The following PTPRJ variants were observed in gnomAD, a reference collection of about 807,000 sequenced individuals.
PTPRJ encodes receptor-type tyrosine-protein phosphatase eta.
In PTPRJ, 129 loss-of-function variants were observed where a neutral mutation model predicts 141.3. The ratio of observed to expected loss-of-function variants is 0.91; its 90% confidence interval spans 0.79 to 1.06. PTPRJ has a LOEUF of 1.06. PTPRJ is among the 50% of genes least tolerant of loss of function. PTPRJ has a pLI of 0.00. For synonymous variants in PTPRJ, 610 were observed against 640.5 expected (o/e 0.95, Z 0.72); for missense variants, 1,601 against 1,679.7 (o/e 0.95, Z 0.82).
chr11:48,124,195 G>A (rs1208682706), intron 5 of PTPRJ, among the ~76,000 whole-genome samples: 1 of 152,184 alleles, frequency 6.6e-6, no homozygotes. Context: ...AACTTATCAC[G>A]TCTGCTGGTT....
chr11:48,137,736 G>A (rs1208263867), intron 10 of PTPRJ, among the ~76,000 whole-genome samples: 1 of 152,192 alleles, frequency 6.6e-6, no homozygotes, highest in Non-Finnish European at 1.5e-5. Context: ...AGGGTGGGAG[G>A]AGTGGACCCG....
In PTPRJ at chr11:48,136,207, G is replaced by A. The variant is rs140207359; in HGVS notation, c.1784G>A (p.Gly595Asp). ...STYDKAITLQGLIPGTLYNIT... is the reference protein window; with the variant it reads ...STYDKAITLQDLIPGTLYNIT... ...TATGACAAAGCGATTACTCTCCAGGGCCTGATTCCGGGCACCTTATATAAC... is the reference window on the plus strand; with the variant it reads ...TATGACAAAGCGATTACTCTCCAGGACCTGATTCCGGGCACCTTATATAAC... Residue 595 changes from glycine (G) to aspartate (D), a missense_variant, in exon 9 of 25, where the codon GGC (glycine) becomes GAC (aspartate). By Grantham distance (94) the Gly-to-Asp change is moderately conservative. Transcript: ENST00000418331. 8.1e-6 allele frequency: 13 copies of A among 1,614,072 alleles called. No individual in the cohort carries two copies. Among genetic ancestry groups the A allele is most frequent in the Non-Finnish European group, 1.1e-5 (13 of 1,180,042 alleles).
intron 6 of PTPRJ, 26 bp downstream of exon 6, chr11:48,125,212 G>T: frequency 6.2e-7 from 1 of 1,607,832 alleles, no homozygotes; most frequent in Non-Finnish European, 8.5e-7. Flanking sequence ...TAAAATGGTG[G>T]CAGCCAGAGT....
At chr11:48,033,918 T>C (rs1437996285) in intron 1 of PTPRJ, among the ~76,000 whole-genome samples, 2 of 152,248 alleles carry the variant, frequency 1.3e-5, no homozygotes, top group Non-Finnish European at 2.9e-5. Flanking sequence ...AGTAACCAGC[T>C]GACTGTTCAG....
rs1853867611 is a variant in PTPRJ, at chr11:47,980,584, G to A, written c.-329G>A. On this transcript the variant is annotated 5_prime_UTR_variant, in exon 1 of 25. Transcript: ENST00000418331. Reference sequence around the variant, plus strand: ...AGCCCCAGCCGCATGACGCGCGGAGGAGGCAGCGGGAGCAGCCGCGGGAGC... The same window carrying A: ...AGCCCCAGCCGCATGACGCGCGGAGAAGGCAGCGGGAGCAGCCGCGGGAGC... 2.0e-6 allele frequency: 2 copies of A among 982,954 alleles called. No individual in the cohort carries two copies. The highest frequency in any genetic ancestry group is 4.7e-5 in the South Asian group (1 of 21,294). The allele number at this position is 982,954 out of a possible 1,614,324, so 60.9% of individuals were successfully genotyped here.
At chr11:48,060,577 T>C (rs1258419583) in intron 1 of PTPRJ, among the ~76,000 whole-genome samples, 1 of 152,224 alleles carries the variant, frequency 6.6e-6, no homozygotes, top group Non-Finnish European at 1.5e-5. Context: ...CAGATTCTTT[T>C]AGGGGCTCCT....
At chr11:48,056,842 T>C (rs1854764732) in intron 1 of PTPRJ, among the ~76,000 whole-genome samples, 1 of 152,144 alleles carries the variant, frequency 6.6e-6, no homozygotes, top group Non-Finnish European at 1.5e-5. Flanking sequence ...TAATCCCAGC[T>C]ACTCAGGAGA....
chr11:48,079,088 C>T (rs1249249180), intron 1 of PTPRJ, among the ~76,000 whole-genome samples: 2 of 151,624 alleles, frequency 1.3e-5, no homozygotes, highest in Non-Finnish European at 2.9e-5. Context: ...TTCCCTGGGC[C>T]ACACTGGAAG....
rs1857989567 is a variant in PTPRJ, at chr11:48,168,870, T to A, written c.*1508T>A. On this transcript the variant is annotated 3_prime_UTR_variant, in exon 25 of 25. Coordinates refer to ENST00000418331, the MANE Select transcript of PTPRJ (RefSeq NM_002843.4). ...TTTTATATTGTGGCTCAGGTTATATTTTGAAGATGTTTTGAGTTTATCCTC... is the reference window on the plus strand; with the variant it reads ...TTTTATATTGTGGCTCAGGTTATATATTGAAGATGTTTTGAGTTTATCCTC... 1 of 151,990 alleles carries A rather than the reference T, an allele frequency of 6.6e-6. No individual in the cohort carries two copies. The highest frequency in any genetic ancestry group is 2.1e-4 in the South Asian group (1 of 4,812). 9.4% of individuals were successfully genotyped at this position (151,990 alleles called of 1,614,324 possible). A position where few individuals can be genotyped will look rare whatever the true frequency, so the allele number is the denominator to read the frequency against.
In PTPRJ at chr11:48,170,426, G is replaced by A. The variant is rs1858027295; in HGVS notation, c.*3064G>A. 6.6e-6 allele frequency: 1 copy of A among 152,178 alleles called. No homozygotes were observed. 9.4% of individuals were successfully genotyped at this position (152,178 alleles called of 1,614,324 possible). On this transcript the variant is annotated 3_prime_UTR_variant, in exon 25 of 25. Coordinates refer to ENST00000418331, the MANE Select transcript of PTPRJ (RefSeq NM_002843.4). ...GAGGCTCCCGGGGGTTGGGGATCGA[G>A]GGGCGGGGGTCAGCTATGCAGCCCA...
intron 1 of PTPRJ, among the ~76,000 whole-genome samples, chr11:48,071,165 G>A (rs1033225637): frequency 6.6e-6 from 1 of 152,196 alleles, no homozygotes; most frequent in African/African-American, 2.4e-5. Context: ...TTCTTCCAGT[G>A]CAGGGAACAT....
chr11:48,088,154 C>T lies in PTPRJ; in HGVS notation c.97-21904C>T, dbSNP rs147339563. 4.5e-3 allele frequency among the ~76,000 whole-genome samples: 692 copies of T among 152,304 alleles called. 1 individual carries two copies. Among genetic ancestry groups the T allele is most frequent in the Middle Eastern group, 6.8e-3 (2 of 294 alleles). ...TGCCCAGGGTCAAATGCTGTGTACA[C>T]GCTTGGTCACTCTTCCCTTTCTTGA... On this transcript the variant is annotated intron_variant, in intron 1 of 24. Coordinates refer to ENST00000418331, the MANE Select transcript of PTPRJ (RefSeq NM_002843.4).
intron 1 of PTPRJ, among the ~76,000 whole-genome samples, chr11:48,085,169 A>G (rs1855665367): frequency 6.6e-6 from 1 of 152,294 alleles, no homozygotes; most frequent in South Asian, 2.1e-4. Context: ...AACAGAGTGA[A>G]CGCAGAAGCA....
At chr11:48,120,596 T>G (rs1856680654) in intron 3 of PTPRJ, among the ~76,000 whole-genome samples, 1 of 151,932 alleles carries the variant, frequency 6.6e-6, no homozygotes, top group South Asian at 2.1e-4. Context: ...CAGCTAATTT[T>G]TTTTTGTTTT....
At chr11:48,037,321 G>C (rs920557343) in intron 1 of PTPRJ, among the ~76,000 whole-genome samples, 1 of 152,132 alleles carries the variant, frequency 6.6e-6, no homozygotes, top group Non-Finnish European at 1.5e-5. Context: ...GGAGGTGGGT[G>C]GGGGGTGGTC....
chr11:48,086,299 G>A (rs1221208553), intron 1 of PTPRJ, among the ~76,000 whole-genome samples: 1 of 152,130 alleles, frequency 6.6e-6, no homozygotes, highest in Non-Finnish European at 1.5e-5. Context: ...AGCTTCCCGA[G>A]TAGCTGGGAT....
intron 16 of PTPRJ, 71 bp downstream of exon 16, chr11:48,149,559 T>C (rs1590559886): frequency 9.6e-7 from 1 of 1,044,314 alleles, no homozygotes; most frequent in Non-Finnish European, 1.4e-6. Context: ...TAAATAATTT[T>C]TGATGGAACT....
At chr11:48,005,360 C>T (rs2134194394) in intron 1 of PTPRJ, among the ~76,000 whole-genome samples, 1 of 152,222 alleles carries the variant, frequency 6.6e-6, no homozygotes, top group Admixed American at 6.5e-5. Context: ...CTGATTTCTC[C>T]CTCCCCCACC....
At chr11:48,061,080 G>A (rs1384612553) in intron 1 of PTPRJ, among the ~76,000 whole-genome samples, 3 of 152,098 alleles carry the variant, frequency 2.0e-5, no homozygotes, top group South Asian at 2.1e-4. Flanking sequence ...TCGTTCAAGC[G>A]ATTCTTCTGC....
Sources: gnomAD v4.1 joint callset for allele counts (sites outside exome capture counted in the v4.1 genomes callset) on GRCh38, gnomAD v4.1.1 for gene constraint, MANE v1.5 for transcripts, NCBI Gene and HGNC (gene_info 2026-07-23, HGNC 2026-07-21) for gene names.